OSBPL9: variants seen among roughly 807,000 people sequenced by gnomAD.
OSBPL9 encodes oxysterol binding protein like 9.
In OSBPL9, 40 loss-of-function variants were observed where a neutral mutation model predicts 106.6. The observed-to-expected ratio is 0.38, with a 90% confidence interval of 0.29 to 0.49. OSBPL9 has a LOEUF of 0.49. Ranked by LOEUF, OSBPL9 falls within the 20% of genes least tolerant of loss-of-function variation. The pLI is 0.97. For synonymous variants in OSBPL9, 269 were observed against 295.4 expected (o/e 0.91, Z 0.92); for missense variants, 609 against 887.2 (o/e 0.69, Z 3.98).
intron 3 of OSBPL9, among the ~76,000 whole-genome samples, chr1:51,710,428 T>G (rs1659564021): frequency 6.6e-6 from 1 of 152,232 alleles, no homozygotes; most frequent in Non-Finnish European, 1.5e-5. Flanking sequence ...TATGATTGTA[T>G]GTAGAGAATA....
intron 2 of OSBPL9, among the ~76,000 whole-genome samples, chr1:51,664,899 A>G (rs532771082): frequency 1.2e-4 from 18 of 152,214 alleles, no homozygotes; most frequent in Non-Finnish European, 1.9e-4. Flanking sequence ...ATGAGATAGT[A>G]TATGTAAAAT....
chr1:51,707,917 A>G, intron 3 of OSBPL9: 1 of 251,098 alleles, frequency 4.0e-6, no homozygotes, highest in Admixed American at 3.9e-5. Context: ...TCACTCCTGG[A>G]AGATGGTGAT....
intron 3 of OSBPL9, among the ~76,000 whole-genome samples, chr1:51,681,426 T>G (rs1652537091): frequency 2.0e-5 from 3 of 152,106 alleles, no homozygotes; most frequent in Admixed American, 2.0e-4. Context: ...CGGACCAGAG[T>G]CTGATGGGCC....
intron 15 of OSBPL9, among the ~76,000 whole-genome samples, chr1:51,780,163 A>G (rs1346003738): frequency 6.6e-6 from 1 of 152,032 alleles, no homozygotes; most frequent in African/African-American, 2.4e-5. Context: ...CAAAACCACA[A>G]TGCAATAATA....
intron 4 of OSBPL9, among the ~76,000 whole-genome samples, chr1:51,737,545 G>GGTGTGTGTGTGT (rs57886494): frequency 2.8e-5 from 4 of 142,436 alleles, no homozygotes; most frequent in African/African-American, 5.2e-5. Flanking sequence ...ATATTTCAGG[G>GGTGTGTGTGTGT]GTGTGTGTGT....
intron 4 of OSBPL9, among the ~76,000 whole-genome samples, chr1:51,744,632 A>G (rs1667591838): frequency 6.6e-6 from 1 of 152,196 alleles, no homozygotes. Context: ...TTGATCAAGT[A>G]TATTTTACCC....
chr1:51,743,635 A>G (rs1391937150), intron 4 of OSBPL9, among the ~76,000 whole-genome samples: 1 of 152,204 alleles, frequency 6.6e-6, no homozygotes, highest in East Asian at 1.9e-4. Context: ...AATATTTACT[A>G]AAAACAATGT....
intron 11 of OSBPL9, 67 bp downstream of exon 11, chr1:51,762,038 CTGAT>C (rs1354030704): frequency 1.7e-6 from 2 of 1,151,496 alleles, no homozygotes; most frequent in Non-Finnish European, 2.6e-6. Flanking sequence ...TTTGTGACCT[CTGAT>C]GAGGAGGGGG....
the OSBPL9 span, among the ~76,000 whole-genome samples, chr1:51,521,429 C>T: frequency 2.0e-5 from 3 of 152,126 alleles, no homozygotes; most frequent in Admixed American, 6.5e-5. Flanking sequence ...ATGTAGTTTC[C>T]GGAAAGGCAG....
At chr1:51,748,674 T>C (rs1321012715) in intron 7 of OSBPL9, among the ~76,000 whole-genome samples, 1 of 152,210 alleles carries the variant, frequency 6.6e-6, no homozygotes, top group African/African-American at 2.4e-5. Flanking sequence ...ACAGTGGATA[T>C]GTTATTTCAT....
intron 4 of OSBPL9, among the ~76,000 whole-genome samples, chr1:51,739,164 C>T (rs1365626635): frequency 6.6e-6 from 1 of 151,976 alleles, no homozygotes; most frequent in Non-Finnish European, 1.5e-5. Flanking sequence ...TAGTGCCCTT[C>T]TGTCATTAAT....
At position 51,770,923 on chromosome 1, in the gene OSBPL9, G is replaced by A. The variant is rs1673727931; in HGVS notation, c.939-1147G>A. Among the ~76,000 whole-genome samples the A allele has an allele frequency of 6.6e-5, 10 of 152,244 alleles. No individual in the cohort carries two copies. The South Asian group carries it at 2.1e-3, about 32-fold the overall frequency. The stretch of plus-strand genomic sequence containing the variant: ...TATATTTATCAAAACCGATAGAACA[G>A]GCAACTCCAAGAGTGAACCCTAATA... On this transcript the variant is annotated intron_variant, in intron 12 of 23. Coordinates refer to ENST00000428468, the MANE Select transcript of OSBPL9 (RefSeq NM_024586.6).
chr1:51,625,563 C>T (rs1414209734), intron 1 of OSBPL9, among the ~76,000 whole-genome samples: 1 of 151,408 alleles, frequency 6.6e-6, no homozygotes, highest in Non-Finnish European at 1.5e-5. Flanking sequence ...CTCTGTCATC[C>T]AGGCTGGAGT....
chr1:51,604,549 C>T (rs558447649), intron 2 of OSBPL9, among the ~76,000 whole-genome samples: 18 of 151,630 alleles, frequency 1.2e-4, no homozygotes, highest in African/African-American at 4.1e-4. Context: ...GAGTGAGACT[C>T]TGTCTCAAAG....
intron 3 of OSBPL9, 126 bp downstream of exon 3, chr1:51,669,638 C>A: frequency 6.1e-6 from 5 of 814,730 alleles, no homozygotes; most frequent in Non-Finnish European, 8.1e-6. Flanking sequence ...TGCATAGGAA[C>A]ATTCTGGATG....
intron 3 of OSBPL9, among the ~76,000 whole-genome samples, chr1:51,689,494 G>C (rs967354457): frequency 6.6e-6 from 1 of 152,010 alleles, no homozygotes; most frequent in African/African-American, 2.4e-5. Context: ...CTCATGAATT[G>C]AGATTTAGCT....
intron 4 of OSBPL9, among the ~76,000 whole-genome samples, chr1:51,731,510 GT>G (rs1053208297): frequency 3.3e-5 from 5 of 152,054 alleles, no homozygotes; most frequent in African/African-American, 1.2e-4. Flanking sequence ...TGTAATTACA[GT>G]GCTGCCTATA....
At chr1:51,765,728 CT>C in intron 11 of OSBPL9, 93 bp from the exon 12 acceptor site, 2 of 1,212,176 alleles carry the variant, frequency 1.6e-6, no homozygotes, top group Non-Finnish European at 2.2e-6. Flanking sequence ...TAACCAAACT[CT>C]TTTTTGATTT....
chr1:51,538,028 T>C, the OSBPL9 span, among the ~76,000 whole-genome samples: 772 of 152,190 alleles, frequency 5.1e-3, 3 homozygotes, highest in African/African-American at 0.018. Context: ...TGGTGGCTCA[T>C]GCCTGTAATC....
Sources: allele counts gnomAD v4.1 joint callset (sites outside exome capture counted in the v4.1 genomes callset), GRCh38; gene constraint gnomAD v4.1.1; transcripts MANE v1.5; gene names NCBI Gene and HGNC (gene_info 2026-07-23, HGNC 2026-07-21).